The following NR2F1-AS1 variants were observed in gnomAD, a reference collection of about 807,000 sequenced individuals.
NR2F1-AS1 encodes NR2F1 regulatory antisense RNA 1.
intron 4 of NR2F1-AS1, among the ~76,000 whole-genome samples, chr5:93,487,783 C>G (rs1750757213): frequency 6.6e-6 from 1 of 152,086 alleles, no homozygotes; most frequent in South Asian, 2.1e-4. Flanking sequence ...CCTGTATAGC[C>G]AACACAATCC....
chr5:93,483,439 C>T lies in NR2F1-AS1; in HGVS notation n.638+70322G>A, dbSNP rs180757850. ...AGGATGTCCACACAGAAACCCCATC[C>T]GAAGGTCACCAACATCAAAGACCAA... On this transcript the variant is annotated intron_variant and non_coding_transcript_variant, in intron 4 of 5. Coordinates refer to ENST00000660523, the Ensembl canonical transcript of NR2F1-AS1. Among the ~76,000 whole-genome samples the T allele has an allele frequency of 2.1e-3, 319 of 152,208 alleles. 2 individuals are homozygous for T. Among genetic ancestry groups the T allele is most frequent in the African/African-American group, 7.4e-3 (306 of 41,518 alleles).
At chr5:93,454,405 G>C (rs1749902340) in intron 4 of NR2F1-AS1, among the ~76,000 whole-genome samples, 1 of 152,160 alleles carries the variant, frequency 6.6e-6, no homozygotes, top group Non-Finnish European at 1.5e-5. Context: ...AAGCTTTTGT[G>C]ATATAAAGAA....
chr5:93,453,344 A>T (rs1749878514), intron 4 of NR2F1-AS1, among the ~76,000 whole-genome samples: 1 of 152,080 alleles, frequency 6.6e-6, no homozygotes, highest in South Asian at 2.1e-4. Flanking sequence ...TATATATGTA[A>T]CTGGAGTCCC....
chr5:93,544,415 G>C (rs1453778478), intron 4 of NR2F1-AS1, among the ~76,000 whole-genome samples: 1 of 151,946 alleles, frequency 6.6e-6, no homozygotes, highest in Non-Finnish European at 1.5e-5. Flanking sequence ...TAATTATATG[G>C]GTTGGCACAT....
chr5:93,518,478 A>G (rs1751440893), intron 4 of NR2F1-AS1, among the ~76,000 whole-genome samples: 1 of 152,132 alleles, frequency 6.6e-6, no homozygotes, highest in South Asian at 2.1e-4. Context: ...TCCCCATTTT[A>G]CAGATAAGAA....
chr5:93,585,332 C>T, upstream of NR2F1-AS1: 4 of 1,613,460 alleles, frequency 2.5e-6, no homozygotes, highest in Non-Finnish European at 3.4e-6. Context: ...AATTCACCTG[C>T]GAGGGCTGCA....
At chr5:93,544,935 A>G (rs1051453034) in intron 4 of NR2F1-AS1, 12 of 152,088 alleles carry the variant, frequency 7.9e-5, no homozygotes, top group African/African-American at 2.9e-4. Flanking sequence ...AAAAAAAAAA[A>G]AAAAGAGTTA....
intron 4 of NR2F1-AS1, among the ~76,000 whole-genome samples, chr5:93,485,671 T>C (rs1580266790): frequency 1.3e-5 from 2 of 152,052 alleles, no homozygotes; most frequent in Non-Finnish European, 2.9e-5. Flanking sequence ...GAATTGACTG[T>C]AAACTAGTTC....
chr5:93,482,524 C>T (rs1199946578), intron 4 of NR2F1-AS1, among the ~76,000 whole-genome samples: 1 of 152,100 alleles, frequency 6.6e-6, no homozygotes, highest in African/African-American at 2.4e-5. Context: ...ACTGGGCGGC[C>T]ATTTGGGCAG....
upstream of NR2F1-AS1, chr5:93,583,169 A>G (rs1432911044): frequency 6.6e-6 from 1 of 152,148 alleles, no homozygotes; most frequent in Non-Finnish European, 1.5e-5. Flanking sequence ...TGTCAGTTTC[A>G]ATAGTAGTGT....
At chr5:93,526,263 T>A (rs1030285922) in intron 4 of NR2F1-AS1, among the ~76,000 whole-genome samples, 1 of 152,140 alleles carries the variant, frequency 6.6e-6, no homozygotes, top group Non-Finnish European at 1.5e-5. Context: ...AAGAAATGGG[T>A]AAATTGCTCG....
intron 4 of NR2F1-AS1, among the ~76,000 whole-genome samples, chr5:93,530,158 G>A (rs188748492): frequency 0.011 from 1,433 of 128,484 alleles, 9 homozygotes; most frequent in Admixed American, 0.017. Context: ...TCAACTCACC[G>A]CAACCTCCAC....
chr5:93,474,353 G>A (rs1750435671), intron 4 of NR2F1-AS1, among the ~76,000 whole-genome samples: 1 of 152,182 alleles, frequency 6.6e-6, no homozygotes, highest in Admixed American at 6.5e-5. Flanking sequence ...CCAGAACCAA[G>A]TATACTGCCT....
intron 4 of NR2F1-AS1, chr5:93,409,777 T>G (rs954061010): frequency 3.9e-5 from 6 of 152,240 alleles, no homozygotes; most frequent in Non-Finnish European, 7.3e-5. Context: ...ACATTATTTA[T>G]GGAGCAATAT....
At chr5:93,435,585 G>T (rs1749416284) in intron 4 of NR2F1-AS1, among the ~76,000 whole-genome samples, 1 of 152,160 alleles carries the variant, frequency 6.6e-6, no homozygotes, top group Non-Finnish European at 1.5e-5. Flanking sequence ...CACTGTTCCT[G>T]CAAACTACTG....
At chr5:93,447,414 C>A (rs1336061904) in intron 4 of NR2F1-AS1, among the ~76,000 whole-genome samples, 1 of 152,176 alleles carries the variant, frequency 6.6e-6, no homozygotes, top group East Asian at 1.9e-4. Flanking sequence ...AGACACTTCT[C>A]AAAAGAAGAC....
chr5:93,494,073 T>C lies in NR2F1-AS1; in HGVS notation n.638+59688A>G, dbSNP rs150274388. On this transcript the variant is annotated intron_variant and non_coding_transcript_variant, in intron 4 of 5. Transcript: ENST00000660523. ...AAAAAAATTTTGCAATTATATCTGATAAGAAATTAATATCCCTTAAATTAT... is the reference window on the plus strand; with the variant it reads ...AAAAAAATTTTGCAATTATATCTGACAAGAAATTAATATCCCTTAAATTAT... Among the ~76,000 whole-genome samples, 6 of 152,310 alleles carry C rather than the reference T, an allele frequency of 3.9e-5. No individual in the cohort carries two copies. In the East Asian group the frequency reaches 1.2e-3, roughly 29 times the overall value.
intron 4 of NR2F1-AS1, among the ~76,000 whole-genome samples, chr5:93,492,148 T>C (rs1391923190): frequency 6.6e-6 from 1 of 152,168 alleles, no homozygotes; most frequent in East Asian, 1.9e-4. Flanking sequence ...ACTAAAAGAA[T>C]TATAAGAGAA....
chr5:93,426,663 T>A (rs139704931), intron 4 of NR2F1-AS1, among the ~76,000 whole-genome samples: 1 of 152,154 alleles, frequency 6.6e-6, no homozygotes. Context: ...AACACTCATA[T>A]CAAATCACAA....
Sources: gnomAD v4.1 joint callset for allele counts (sites outside exome capture counted in the v4.1 genomes callset) on GRCh38, gnomAD v4.1.1 for gene constraint, MANE v1.5 for transcripts, NCBI Gene and HGNC (gene_info 2026-07-23, HGNC 2026-07-21) for gene names.